The following PTPN22 variants were observed in gnomAD, a reference collection of about 807,000 sequenced individuals.
PTPN22 encodes tyrosine-protein phosphatase non-receptor type 22.
Under a neutral mutation model 103.3 loss-of-function variants are expected in PTPN22, and 85 were observed. That is an observed-to-expected ratio of 0.82 (90% CI 0.69 to 0.99). The LOEUF (loss-of-function observed/expected upper bound fraction) is 0.99, where lower values mean the gene tolerates loss of function less well. PTPN22 is among the 50% of genes least tolerant of loss of function. The pLI, the probability that PTPN22 is intolerant of heterozygous loss-of-function variation, is 0.00. For synonymous variants in PTPN22, 323 were observed against 310.2 expected, an observed-to-expected ratio of 1.04 and a Z score of -0.43; for missense variants, 865 against 936.9, an observed-to-expected ratio of 0.92 and a Z score of 1.00.
At chr1:113,865,401 G>A (rs958901499) in intron 1 of PTPN22, among the ~76,000 whole-genome samples, 10 of 121,096 alleles carry the variant, frequency 8.3e-5, no homozygotes, top group African/African-American at 2.1e-4. Context: ...TTTCAAATCC[G>A]GGCTTTTCCA....
intron 4 of PTPN22, 41 bp from the exon 5 acceptor site, chr1:113,857,817 A>T (rs1378645703): frequency 6.5e-7 from 1 of 1,541,828 alleles, no homozygotes; most frequent in African/African-American, 1.4e-5. Context: ...ATTCATATAT[A>T]GTTAGAAAGA....
intron 1 of PTPN22, among the ~76,000 whole-genome samples, chr1:113,867,658 T>C (rs1224964711): frequency 6.6e-6 from 1 of 152,196 alleles, no homozygotes; most frequent in Non-Finnish European, 1.5e-5. Flanking sequence ...TCCTAGCATC[T>C]AGGGCATTAC....
chr1:113,837,859 T>G (rs765202879), exon 13 of PTPN22: 5 of 1,614,148 alleles, frequency 3.1e-6, no homozygotes, highest in Non-Finnish European at 4.2e-6. Context: ...GTGCTTTACA[T>G]TAGAGGCATT....
rs769915758 is a variant in PTPN22 at position 113,837,575 on chromosome 1, TA to T, written c.1810+14del. The T allele has an allele frequency of 4.7e-6, 7 of 1,496,836 alleles. No individual in the cohort carries two copies. In the East Asian group the frequency reaches 1.6e-4, roughly 34 times the overall value. The allele number at this position is 1,496,836 out of a possible 1,614,324, so 92.7% of individuals were successfully genotyped here. The stretch of plus-strand genomic sequence containing the variant: ...GAAATCTAAAATTCTATGCAAACTT[TA>T]AAAAATAACTTACCTAGTACAGCTG... On this transcript the variant is annotated intron_variant, in intron 13 of 20. Transcript: ENST00000359785.
intron 11 of PTPN22, among the ~76,000 whole-genome samples, chr1:113,841,850 G>A (rs1227356378): frequency 6.6e-6 from 1 of 152,108 alleles, no homozygotes; most frequent in Non-Finnish European, 1.5e-5. Flanking sequence ...TGATCTGCCC[G>A]CCTCGGCCTC....
intron 10 of PTPN22, among the ~76,000 whole-genome samples, chr1:113,849,670 C>G (rs1292483067): frequency 6.6e-6 from 1 of 151,776 alleles, no homozygotes; most frequent in Non-Finnish European, 1.5e-5. Flanking sequence ...TTACTGCAGC[C>G]TCGACCTCCC....
At chr1:113,851,237 C>T (rs1055161177) in intron 10 of PTPN22, among the ~76,000 whole-genome samples, 2 of 151,386 alleles carry the variant, frequency 1.3e-5, no homozygotes, top group Non-Finnish European at 1.5e-5. Flanking sequence ...TCTGCAACCT[C>T]CACCTCGCAG....
chr1:113,855,082 G>A (rs200100019), intron 7 of PTPN22, 33 bp from the exon 8 acceptor site: 3 of 1,571,574 alleles, frequency 1.9e-6, no homozygotes, highest in East Asian at 2.2e-5. Context: ...AGGGGAAGAG[G>A]GGCAAGGGCT....
At chr1:113,832,145 G>C (rs1662603859) in intron 16 of PTPN22, among the ~76,000 whole-genome samples, 1 of 152,120 alleles carries the variant, frequency 6.6e-6, no homozygotes, top group Admixed American at 6.5e-5. Flanking sequence ...CCAGGGATTT[G>C]ACTTAAAGCC....
intron 16 of PTPN22, among the ~76,000 whole-genome samples, chr1:113,831,604 A>G (rs1021699109): frequency 2.0e-5 from 3 of 152,078 alleles, no homozygotes; most frequent in African/African-American, 7.2e-5. Flanking sequence ...CTCCATACAC[A>G]TCATGCTCAT....
chr1:113,837,991 G>A, exon 13 of PTPN22: 1 of 1,614,058 alleles, frequency 6.2e-7, no homozygotes, highest in Non-Finnish European at 8.5e-7. Flanking sequence ...TTCCAAATAA[G>A]AAAAGTTTTC....
chr1:113,842,660 G>A (rs920199781), intron 11 of PTPN22, among the ~76,000 whole-genome samples: 3 of 151,846 alleles, frequency 2.0e-5, no homozygotes, highest in Non-Finnish European at 2.9e-5. Context: ...GCAACAGAGC[G>A]AGACTGTGCT....
At position 113,854,545 on chromosome 1, in the gene PTPN22, G is replaced by A. The variant is rs1037497795; in HGVS notation, c.684-8C>T. The A allele has an allele frequency of 3.1e-6, 5 of 1,611,556 alleles. No homozygotes were observed. Among genetic ancestry groups the A allele is most frequent in the Non-Finnish European group, 4.2e-6 (5 of 1,177,670 alleles). ...GTCCTTCCACAGCCAGCACTGAAAT[G>A]AAAGATCACAGTAGCATGTATGCAT... is the stretch of plus-strand genomic sequence containing the variant. On this transcript the variant is annotated splice_polypyrimidine_tract_variant and splice_region_variant and intron_variant, in intron 8 of 20. Coordinates refer to ENST00000359785, the Ensembl canonical transcript of PTPN22.
At chr1:113,842,748 A>T (rs1663668071) in intron 11 of PTPN22, among the ~76,000 whole-genome samples, 1 of 152,074 alleles carries the variant, frequency 6.6e-6, no homozygotes, top group South Asian at 2.1e-4. Flanking sequence ...ATCCTTGTGT[A>T]CTGTTGGTGG....
chr1:113,852,891 C>T (rs377165156), intron 9 of PTPN22, among the ~76,000 whole-genome samples: 1 of 152,310 alleles, frequency 6.6e-6, no homozygotes, highest in South Asian at 2.1e-4. Context: ...AACAGCTGCA[C>T]AAGCTAAGTG....
At chr1:113,815,809 G>T (rs1661102629) in intron 20 of PTPN22, among the ~76,000 whole-genome samples, 1 of 152,172 alleles carries the variant, frequency 6.6e-6, no homozygotes, top group Non-Finnish European at 1.5e-5. Flanking sequence ...CTCCTGAGTA[G>T]CTGGGATTAC....
chr1:113,862,769 T>C (rs1375483379), intron 1 of PTPN22, among the ~76,000 whole-genome samples: 1 of 152,150 alleles, frequency 6.6e-6, no homozygotes, highest in African/African-American at 2.4e-5. Context: ...CTCAGTGCCT[T>C]GCAAATATAG....
At chr1:113,838,720 A>G in intron 11 of PTPN22, 100 bp from the exon 12 acceptor site, 1 of 1,466,184 alleles carries the variant, frequency 6.8e-7, no homozygotes, top group Non-Finnish European at 9.1e-7. Flanking sequence ...AGGAAATAAA[A>G]AGATTTAAAA....
chr1:113,859,677 C>T (rs1665400503), intron 1 of PTPN22, among the ~76,000 whole-genome samples: 1 of 152,118 alleles, frequency 6.6e-6, no homozygotes, highest in Admixed American at 6.6e-5. Flanking sequence ...TGCAGCTGAG[C>T]CATAGATAGC....
Sources: allele counts gnomAD v4.1 joint callset (sites outside exome capture counted in the v4.1 genomes callset), GRCh38; gene constraint gnomAD v4.1.1; transcripts MANE v1.5; gene names NCBI Gene and HGNC (gene_info 2026-07-23, HGNC 2026-07-21).